Variants in PODNL1 observed in about 807,000 individuals in gnomAD.
PODNL1 encodes the protein podocan-like protein 1.
A neutral mutation model predicts 45.1 loss-of-function variants in PODNL1; 50 were observed. The ratio of observed to expected loss-of-function variants is 1.11; its 90% CI spans 0.88 to 1.40. The LOEUF (loss-of-function observed/expected upper bound fraction) is 1.40, where lower values mean the gene tolerates loss of function less well. Among genes scored for constraint, PODNL1 ranks in the 40% most tolerant of loss-of-function variants. The pLI, the probability that PODNL1 is intolerant of heterozygous loss-of-function variation, is 0.00. For missense variants in PODNL1, 788 were observed against 793.3 expected (o/e 0.99, Z 0.08); for synonymous variants, 406 against 372.5 (o/e 1.09, Z -1.04).
rs367633255 is a variant in PODNL1 at position 13,932,931 on chromosome 19, C to T, written c.1292G>A (p.Arg431His). 11 of 1,571,134 alleles carry T rather than the reference C, an allele frequency of 7.0e-6. No individual in the cohort carries two copies. Among genetic ancestry groups the T allele is most frequent in the African/African-American group, 6.7e-5 (5 of 74,192 alleles). Residue 431 changes from arginine (R) to histidine (H), a missense_variant, in exon 8 of 10, where the codon CGC (arginine) becomes CAC (histidine). By Grantham distance (29) the Arg-to-His change is conservative (BLOSUM62 0). Around this residue, in one of 3 missense-constraint regions of PODNL1, gnomAD observed 762 missense variants for 750.9 expected, o/e 1.01. Transcript: ENST00000588872. ...PTGLRTLQLQ[R>H]NQLRMLEPEP... ...GGGCTCGAGCATCCGCAGCTGGTTG[C>T]GTTGCAGCTGCAGGGTGCGCAGGCC...
Position 13,931,502 on chromosome 19 carries a change from C to T in PODNL1, c.*235G>A. ...GAAGGGTTTGGCTTTATTGTTGCTG[C>T]CTCCATCTGTGTTGGGAGTTTGGGG... On this transcript the variant is annotated 3_prime_UTR_variant, in exon 10 of 10. Transcript: ENST00000588872. The T allele has an allele frequency of 2.4e-6, 1 of 409,454 alleles. No individual in the cohort carries two copies. Among genetic ancestry groups the T allele is most frequent in the Non-Finnish European group, 4.2e-6 (1 of 238,250 alleles). 25.4% of individuals were successfully genotyped at this position (409,454 alleles called of 1,614,324 possible). A position where few individuals can be genotyped will look rare whatever the true frequency, so the allele number is the denominator to read the frequency against.
chr19:13,934,210 G>C (rs1264812357), intron 6 of PODNL1, 44 bp downstream of exon 6: 2 of 1,485,842 alleles, frequency 1.3e-6, no homozygotes, highest in South Asian at 1.4e-5. Context: ...CCTGGAAAGA[G>C]GTGAAGAGAG....
intron 1 of PODNL1, among the ~76,000 whole-genome samples, chr19:13,951,677 G>A (rs1973039205): frequency 6.6e-6 from 1 of 152,144 alleles, no homozygotes; most frequent in Non-Finnish European, 1.5e-5. Context: ...GAGAGGCTGA[G>A]GTGAGAGGAT....
chr19:13,953,223 CTG>C, exon 1 of PODNL1: 1 of 1,297,808 alleles, frequency 7.7e-7, no homozygotes, highest in Middle Eastern at 1.9e-4. Flanking sequence ...CTCCATCAGA[CTG>C]GAAACTCCCA....
chr19:13,942,869 T>C (rs1184603598), upstream of PODNL1, among the ~76,000 whole-genome samples: 1 of 151,176 alleles, frequency 6.6e-6, no homozygotes. Context: ...TGTATGGTGG[T>C]GCACACCTGT....
chr19:13,947,900 C>A (rs1264585196), intron 1 of PODNL1, among the ~76,000 whole-genome samples: 1 of 152,012 alleles, frequency 6.6e-6, no homozygotes, highest in Non-Finnish European at 1.5e-5. Context: ...ATTCTGTTGC[C>A]CAGGCTGAAG....
intron 1 of PODNL1, among the ~76,000 whole-genome samples, chr19:13,947,030 CAAA>C (rs538797196): frequency 4.8e-5 from 4 of 83,750 alleles, no homozygotes; most frequent in African/African-American, 1.6e-4. Flanking sequence ...CAGCCTGTCT[CAAA>C]AAAAAAAAAA....
chr19:13,952,396 G>T (rs1973085407), intron 1 of PODNL1: 3 of 1,205,424 alleles, frequency 2.5e-6, no homozygotes, highest in Non-Finnish European at 3.1e-6. Flanking sequence ...CAGGCATAGC[G>T]CGAGTGCGGG....
intron 5 of PODNL1, 23 bp downstream of exon 5, chr19:13,935,698 G>A (rs761226189): frequency 6.0e-6 from 9 of 1,491,426 alleles, no homozygotes; most frequent in Non-Finnish European, 7.2e-6. Context: ...AGGCCTGGGG[G>A]CCTGGGCTGG....
intron 2 of PODNL1, 32 bp from the exon 3 acceptor site, chr19:13,936,492 G>A (rs1042192570): frequency 4.6e-6 from 7 of 1,535,550 alleles, no homozygotes; most frequent in East Asian, 2.3e-5. Context: ...GTTCACACCC[G>A]TGACCCCGTG....
rs559262032 is a variant in PODNL1, at chr19:13,935,260, C to T, written c.494+461G>A. Among the ~76,000 whole-genome samples, 5 of 152,290 alleles carry T rather than the reference C, an allele frequency of 3.3e-5. No homozygotes were observed. In the South Asian group the frequency reaches 1.0e-3, roughly 32 times the overall value. On this transcript the variant is annotated intron_variant, in intron 5 of 9. Transcript: ENST00000588872. ...TCCTCCCAGGGTAGAACTATGCCCTCTTCCCACTCCCCAAGGCTAGGGATC... is the reference window on the plus strand; with the variant it reads ...TCCTCCCAGGGTAGAACTATGCCCTTTTCCCACTCCCCAAGGCTAGGGATC...
Position 13,936,459 on chromosome 19 carries a change from T to C in PODNL1, c.227A>G (p.Asn76Ser). 1 of 1,612,186 alleles carries C rather than the reference T, an allele frequency of 6.2e-7. No individual in the cohort carries two copies. The highest frequency in any genetic ancestry group is 8.5e-7 in the Non-Finnish European group (1 of 1,178,624). The change falls in exon 3 of 10, where the codon AAC (asparagine) becomes AGC (serine). Residue 76 changes from asparagine to serine, a missense_variant and splice_region_variant. Coordinates refer to ENST00000588872, the MANE Select transcript of PODNL1 (RefSeq NM_001370095.3). ...TRAAQHLSLQ[N>S]NQLQELPYNE... ...GTAGGGGAGTTCCTGGAGCTGGTTG[T>C]TCTGCAGGGTGAGAGTTGGGGTGTT...
At chr19:13,937,732 C>T (rs1972465739) in intron 2 of PODNL1, 53 bp downstream of exon 2, 1 of 1,513,236 alleles carries the variant, frequency 6.6e-7, no homozygotes, top group African/African-American at 1.4e-5. Context: ...TCCAGCTCCC[C>T]TCACCACTGG....
chr19:13,934,291 G>T lies in PODNL1; in HGVS notation c.614C>A (p.Pro205His). ...CCGCTCGAGTGAGGGCGGCAGGCTG[G>T]GCGGCAGGTAGCTGAGCTGGTTGTT... ...LSNNQLSYLP[P>H]SLPPSLERLH... Residue 205 changes from proline to histidine, a missense_variant, in exon 6 of 10, where the codon CCC becomes CAC. Transcript: ENST00000588872. The T allele has an allele frequency of 2.0e-6, 3 of 1,536,420 alleles. No individual in the cohort carries two copies. Among genetic ancestry groups the T allele is most frequent in the Non-Finnish European group, 2.6e-6 (3 of 1,143,504 alleles).
At chr19:13,936,255 T>A (rs770219071) in intron 3 of PODNL1, 112 bp downstream of exon 3, 15 of 1,156,988 alleles carry the variant, frequency 1.3e-5, no homozygotes, top group Non-Finnish European at 1.9e-5. Flanking sequence ...CAAAGGGCAG[T>A]TCTGGGAACT....
At chr19:13,934,052 A>G (rs1239252075) in intron 6 of PODNL1, 59 bp from the exon 7 acceptor site, 1 of 1,487,910 alleles carries the variant, frequency 6.7e-7, no homozygotes, top group Non-Finnish European at 9.2e-7. Context: ...GGGAAGCCAC[A>G]GACGGCTCTT....
chr19:13,953,275 A>G (rs1210892818), exon 1 of PODNL1: 5 of 803,608 alleles, frequency 6.2e-6, no homozygotes, highest in Admixed American at 6.6e-5. Flanking sequence ...TCAGTTTGGG[A>G]GCTCTGGAGG....
At chr19:13,931,920 C>A (rs1971969350) in intron 9 of PODNL1, 33 bp from the exon 10 acceptor site, 4 of 1,232,012 alleles carry the variant, frequency 3.2e-6, no homozygotes, top group South Asian at 8.2e-5. Context: ...CCCTCCCAGG[C>A]CCTCCCCTGC....
Position 13,933,851 on chromosome 19 carries a change from C to A in PODNL1, c.767+27G>T. On this transcript the variant is annotated intron_variant, in intron 7 of 9. Transcript: ENST00000588872. The surrounding 1 kb of genome is among the most constrained non-coding windows in gnomAD (Gnocchi z 5.2). ...GGACCCCCGACTGTAAATTCTCAGC[C>A]CCTGCTGCCCCCCAACCAGCCTGTA... The A allele has an allele frequency of 6.4e-7, 1 of 1,560,516 alleles. No individual in the cohort carries two copies.
Sources: gnomAD v4.1 joint callset for allele counts (sites outside exome capture counted in the v4.1 genomes callset) on GRCh38, gnomAD v4.1.1 for gene constraint, gnomAD v4.1.1 regional missense constraint, Gnocchi (gnomAD v3.1) non-coding constraint, MANE v1.5 for transcripts, NCBI Gene and HGNC (gene_info 2026-07-23, HGNC 2026-07-21) for gene names.